Variants in P2RX4 observed in about 807,000 individuals in gnomAD.
The protein encoded by P2RX4 is purinergic receptor P2X 4.
P2RX4 carries 37 observed loss-of-function variants against 48.0 expected under a neutral mutation model. That is an observed-to-expected ratio of 0.77 (90% confidence interval 0.59 to 1.01). The LOEUF is 1.01. Among genes scored for constraint, P2RX4 ranks in the 50% least tolerant of loss-of-function variants. The probability of loss-of-function intolerance (pLI) is 0.00; values close to 1 mark genes in which losing one functional copy is unlikely to be tolerated. For synonymous variants in P2RX4, 200 were observed against 199.7 expected (o/e 1.00, Z -0.01); for missense variants, 501 against 521.4 (o/e 0.96, Z 0.38).
chr12:121,223,465 G>T (rs80326681), intron 5 of P2RX4: 2,413 of 205,372 alleles, frequency 0.012, 81 homozygotes, highest in African/African-American at 0.052. Context: ...GTGTGTTGTG[G>T]CTTTTTGTGT....
intron 2 of P2RX4, 107 bp from the exon 3 acceptor site, chr12:121,221,806 G>C (rs1035144764): frequency 1.2e-6 from 1 of 853,476 alleles, no homozygotes; most frequent in Non-Finnish European, 2.0e-6. Flanking sequence ...GAGAGCGGGA[G>C]AGCACGCGGT....
intron 5 of P2RX4, among the ~76,000 whole-genome samples, chr12:121,225,693 G>A (rs1369800621): frequency 6.6e-6 from 1 of 152,050 alleles, no homozygotes; most frequent in Admixed American, 6.5e-5. Context: ...TTGCACGCGT[G>A]AGTCACCACG....
chr12:121,228,614 G>GT lies in P2RX4; in HGVS notation c.605+2dup. The GT allele has an allele frequency of 6.2e-7, 1 of 1,613,618 alleles. No individual in the cohort carries two copies. Among genetic ancestry groups the GT allele is most frequent in the Non-Finnish European group, 8.5e-7 (1 of 1,179,756 alleles). On this transcript the variant is annotated splice_donor_variant, in intron 6 of 11. Coordinates refer to ENST00000337233, the MANE Select transcript of P2RX4 (RefSeq NM_002560.3). LOFTEE classifies it high-confidence loss of function. ...GGTATCCCAAATTTAATTTCAGCAAGTAAGTGGTGGCCAGGTGTGTGAGTT... is the reference window on the plus strand; with the variant it reads ...GGTATCCCAAATTTAATTTCAGCAAGTTAAGTGGTGGCCAGGTGTGTGAGTT...
At chr12:121,220,239 T>C (rs1886510216) in intron 2 of P2RX4, among the ~76,000 whole-genome samples, 1 of 152,134 alleles carries the variant, frequency 6.6e-6, no homozygotes, top group Admixed American at 6.5e-5. Context: ...TTTTAGCACT[T>C]GTTGGCTCTT....
chr12:121,219,765 G>C (rs547339631), intron 2 of P2RX4, among the ~76,000 whole-genome samples: 42 of 152,112 alleles, frequency 2.8e-4, no homozygotes, highest in Admixed American at 2.4e-3. Context: ...ACAGATGATA[G>C]GATAGATTAG....
intron 4 of P2RX4, chr12:121,222,659 G>T: frequency 1.0e-6 from 1 of 999,122 alleles, no homozygotes; most frequent in South Asian, 1.3e-5. Context: ...TGATCCACCC[G>T]CCTCAGCCTC....
chr12:121,221,142 G>A (rs2136226784), intron 2 of P2RX4, among the ~76,000 whole-genome samples: 1 of 123,124 alleles, frequency 8.1e-6, no homozygotes, highest in Non-Finnish European at 1.7e-5. Flanking sequence ...GGCTCCTTTT[G>A]TGTGTGCGTG....
At position 121,229,164 on chromosome 12, in the gene P2RX4, T is replaced by C. The variant is rs1887190646; in HGVS notation, c.884+65T>C. ...GTGCTGGTGGCTGCGTACGTGCCAGTGGGCCGCCCACTGAAGACCAGCACT... is the reference window on the plus strand; with the variant it reads ...GTGCTGGTGGCTGCGTACGTGCCAGCGGGCCGCCCACTGAAGACCAGCACT... On this transcript the variant is annotated intron_variant, in intron 8 of 11. Coordinates refer to ENST00000337233, the MANE Select transcript of P2RX4 (RefSeq NM_002560.3). This position sits in a 1 kb window ranked among gnomAD's most constrained non-coding sequence, Gnocchi z 4.6. 4 of 1,590,318 alleles carry C rather than the reference T, an allele frequency of 2.5e-6. No individual in the cohort carries two copies. In the African/African-American group the frequency reaches 4.0e-5, roughly 16 times the overall value.
At chr12:121,219,850 AG>A (rs1194005925) in intron 2 of P2RX4, among the ~76,000 whole-genome samples, 4 of 150,060 alleles carry the variant, frequency 2.7e-5, no homozygotes, top group Admixed American at 6.6e-5. Flanking sequence ...ATAGATAGAT[AG>A]ATAGATAGAT....
At chr12:121,215,212 A>C (rs1886148537) in intron 1 of P2RX4, 2 of 152,170 alleles carry the variant, frequency 1.3e-5, no homozygotes, top group South Asian at 4.1e-4. Flanking sequence ...GTGACCAACG[A>C]TGACTCACAA....
In P2RX4 at chr12:121,210,217, C is replaced by T; in HGVS notation, c.53C>T (p.Pro18Leu). Residue 18 changes from proline (P) to leucine (L), a missense_variant, in exon 1 of 12, where the codon CCG becomes CTG. This residue lies in a region of P2RX4 where 295 missense variants were observed against 275.3 expected (regional missense o/e 1.07). Coordinates refer to ENST00000337233, the MANE Select transcript of P2RX4 (RefSeq NM_002560.3). ...LAAFLFEYDTPRIVLIRSRKV... is the reference protein window; with the variant it reads ...LAAFLFEYDTLRIVLIRSRKV... The stretch of plus-strand genomic sequence containing the variant: ...GCCTTCCTGTTCGAGTACGACACGC[C>T]GCGCATCGTGCTCATCCGCAGCCGC... 6.4e-7 allele frequency: 1 copy of T among 1,558,070 alleles called. No individual in the cohort carries two copies. Among genetic ancestry groups the T allele is most frequent in the Non-Finnish European group, 8.6e-7 (1 of 1,157,014 alleles).
intron 8 of P2RX4, among the ~76,000 whole-genome samples, chr12:121,230,384 G>C (rs1887260815): frequency 6.6e-6 from 1 of 152,096 alleles, no homozygotes; most frequent in Admixed American, 6.6e-5. Context: ...CTCCGTCTCA[G>C]GGGGAAAAAA....
chr12:121,214,538 G>C (rs866784489), intron 1 of P2RX4: 4 of 152,190 alleles, frequency 2.6e-5, no homozygotes, highest in Non-Finnish European at 4.4e-5. Context: ...ATGATAATGA[G>C]TGGCATGAAA....
chr12:121,220,003 T>A (rs1401453329), intron 2 of P2RX4, among the ~76,000 whole-genome samples: 1 of 152,212 alleles, frequency 6.6e-6, no homozygotes, highest in African/African-American at 2.4e-5. Context: ...GTCTCATCCC[T>A]AGCAAATTGC....
Position 121,216,814 on chromosome 12 carries a change from T to G in P2RX4, c.135-320T>G, listed in dbSNP as rs972008892. 1.5e-5 allele frequency: 9 copies of G among 611,412 alleles called. No individual in the cohort carries two copies. In the African/African-American group the frequency reaches 1.7e-4, roughly 12 times the overall value. 37.9% of individuals were successfully genotyped at this position (611,412 alleles called of 1,614,324 possible). ...CAGCTTAGGCAACAAGAGCGAAACA[T>G]CGTCTCAAAAAAAAAAAAAGAGAAA... On this transcript the variant is annotated intron_variant, in intron 1 of 11. Transcript: ENST00000337233.
At chr12:121,212,048 G>A (rs1171085559) in intron 1 of P2RX4, among the ~76,000 whole-genome samples, 2 of 152,210 alleles carry the variant, frequency 1.3e-5, no homozygotes, top group Non-Finnish European at 2.9e-5. Context: ...GTTCAGCAAC[G>A]TTTCGGAACC....
At chr12:121,212,135 C>T (rs1340031545) in intron 1 of P2RX4, among the ~76,000 whole-genome samples, 4 of 152,198 alleles carry the variant, frequency 2.6e-5, no homozygotes, top group African/African-American at 9.6e-5. Flanking sequence ...CAGATCCCCC[C>T]GTCTTTGGGG....
At chr12:121,212,455 T>C (rs1885923316) in intron 1 of P2RX4, among the ~76,000 whole-genome samples, 1 of 149,796 alleles carries the variant, frequency 6.7e-6, no homozygotes, top group Non-Finnish European at 1.5e-5. Flanking sequence ...TTTAAAATGG[T>C]AAATTGTACT....
chr12:121,216,728 G>A (rs1886246176), intron 1 of P2RX4: 2 of 470,734 alleles, frequency 4.2e-6, no homozygotes, highest in South Asian at 4.5e-5. Context: ...GCTGAGGCAG[G>A]AGAATTGCCT....
Sources: gnomAD v4.1 joint callset for allele counts (sites outside exome capture counted in the v4.1 genomes callset) on GRCh38, gnomAD v4.1.1 for gene constraint, gnomAD v4.1.1 regional missense constraint, Gnocchi (gnomAD v3.1) non-coding constraint, MANE v1.5 for transcripts, NCBI Gene and HGNC (gene_info 2026-07-23, HGNC 2026-07-21) for gene names.